The following SAMD3 variants were observed in gnomAD, a reference collection of about 807,000 sequenced individuals.
SAMD3 encodes the protein sterile alpha motif domain containing 3.
SAMD3 carries 63 observed loss-of-function variants against 58.5 expected under a neutral mutation model. The ratio of observed to expected loss-of-function variants is 1.08; its 90% CI spans 0.88 to 1.33. The LOEUF (loss-of-function observed/expected upper bound fraction) is 1.33. SAMD3 is among the 40% of genes most tolerant of loss of function. The pLI is 0.00. For missense variants in SAMD3, 604 were observed against 608.4 expected, an observed-to-expected ratio of 0.99 and a Z score of 0.08; for synonymous variants, 220 against 210.3, an observed-to-expected ratio of 1.05 and a Z score of -0.40.
intron 1 of SAMD3, among the ~76,000 whole-genome samples, chr6:130,321,132 A>G (rs778735380): frequency 2.6e-5 from 4 of 152,212 alleles, no homozygotes; most frequent in Non-Finnish European, 5.9e-5. Context: ...CAATGAAGTG[A>G]TAGGATGCCA....
intron 1 of SAMD3, among the ~76,000 whole-genome samples, chr6:130,360,854 AG>A (rs1471106634): frequency 6.6e-6 from 1 of 152,136 alleles, no homozygotes; most frequent in African/African-American, 2.4e-5. Flanking sequence ...TCTCTTTCTC[AG>A]GGATGTTCAT....
chr6:130,204,318 TCAC>T (rs1172448335), intron 5 of SAMD3, among the ~76,000 whole-genome samples: 2 of 152,112 alleles, frequency 1.3e-5, no homozygotes, highest in Non-Finnish European at 2.9e-5. Flanking sequence ...TCCCAAAAAA[TCAC>T]CAGCACATGA....
At chr6:130,264,299 T>C (rs1373487848) in intron 2 of SAMD3, among the ~76,000 whole-genome samples, 6 of 152,298 alleles carry the variant, frequency 3.9e-5, no homozygotes, top group Non-Finnish European at 8.8e-5. Context: ...CCAGCTTCCA[T>C]CTCCCAACAC....
intron 2 of SAMD3, among the ~76,000 whole-genome samples, chr6:130,307,636 A>T (rs1272976896): frequency 6.6e-6 from 1 of 152,200 alleles, no homozygotes; most frequent in East Asian, 1.9e-4. Flanking sequence ...AATAACTATG[A>T]TCCTCAGTTC....
chr6:130,325,309 AC>A lies in SAMD3; in HGVS notation c.-303-12217del, dbSNP rs145467957. 2.8e-3 allele frequency among the ~76,000 whole-genome samples: 421 copies of A among 152,278 alleles called. 4 individuals carry two copies. Among genetic ancestry groups the A allele is most frequent in the African/African-American group, 9.7e-3 (405 of 41,556 alleles). ...TAAGGAAGCTGTGTGAGGACAAAAG[AC>A]CTGCGAACCTCGTGAGCTGTTCCTG... On this transcript the variant is annotated intron_variant, in intron 1 of 13. Transcript: ENST00000368134.
chr6:130,152,108 C>T (rs1487465888), intron 9 of SAMD3, among the ~76,000 whole-genome samples: 2 of 149,572 alleles, frequency 1.3e-5, no homozygotes, highest in African/African-American at 4.8e-5. Context: ...AGGACCACCG[C>T]CCACCCCGGC....
At chr6:130,359,754 A>G (rs1777932329) in intron 1 of SAMD3, among the ~76,000 whole-genome samples, 1 of 152,228 alleles carries the variant, frequency 6.6e-6, no homozygotes, top group Non-Finnish European at 1.5e-5. Context: ...GAATTAATAA[A>G]AGAACAATCT....
intron 2 of SAMD3, among the ~76,000 whole-genome samples, chr6:130,306,194 A>G (rs1366452793): frequency 6.6e-6 from 1 of 152,226 alleles, no homozygotes; most frequent in Non-Finnish European, 1.5e-5. Context: ...CTTAAAAAAT[A>G]TTTACTTTAT....
chr6:130,251,838 C>T (rs1329654337), intron 2 of SAMD3, among the ~76,000 whole-genome samples: 3 of 152,082 alleles, frequency 2.0e-5, no homozygotes, highest in South Asian at 2.1e-4. Context: ...ATTGTTTTGG[C>T]TATTCTGGGT....
chr6:130,218,361 G>A (rs192349317), intron 1 of SAMD3, among the ~76,000 whole-genome samples: 2 of 152,288 alleles, frequency 1.3e-5, no homozygotes, highest in Admixed American at 6.5e-5. Flanking sequence ...GCAGGCTGTC[G>A]GAGGCTCTCC....
intron 5 of SAMD3, among the ~76,000 whole-genome samples, chr6:130,206,170 C>T (rs559767447): frequency 9.8e-5 from 15 of 152,300 alleles, no homozygotes; most frequent in Admixed American, 3.3e-4. Context: ...AGTGATTGCC[C>T]AGGAGGGGAC....
At chr6:130,348,545 G>A (rs1777536983) in intron 1 of SAMD3, among the ~76,000 whole-genome samples, 1 of 152,052 alleles carries the variant, frequency 6.6e-6, no homozygotes. Flanking sequence ...AAATATATAT[G>A]CACCCAATAC....
intron 1 of SAMD3, among the ~76,000 whole-genome samples, chr6:130,360,330 T>G (rs1777947948): frequency 6.6e-6 from 1 of 152,234 alleles, no homozygotes; most frequent in Non-Finnish European, 1.5e-5. Flanking sequence ...TGTAGGTCCT[T>G]TTCTATTTTC....
intron 2 of SAMD3, among the ~76,000 whole-genome samples, chr6:130,247,254 T>C (rs113168041): frequency 0.019 from 2,946 of 152,146 alleles, 93 homozygotes; most frequent in African/African-American, 0.067. Context: ...CGGATCACCT[T>C]AGGTCAGGAG....
chr6:130,270,179 C>T (rs1240279739), intron 2 of SAMD3, among the ~76,000 whole-genome samples: 1 of 152,124 alleles, frequency 6.6e-6, no homozygotes, highest in Non-Finnish European at 1.5e-5. Context: ...GAAATTTCTG[C>T]CTCCCAGGTT....
chr6:130,305,062 G>A (rs914981841), intron 2 of SAMD3, among the ~76,000 whole-genome samples: 2 of 149,516 alleles, frequency 1.3e-5, no homozygotes, highest in Non-Finnish European at 3.0e-5. Flanking sequence ...AGCCTTTCAA[G>A]TAGCTGGGAC....
At chr6:130,267,198 C>A (rs763382354) in intron 2 of SAMD3, among the ~76,000 whole-genome samples, 2 of 152,040 alleles carry the variant, frequency 1.3e-5, no homozygotes, top group Admixed American at 1.3e-4. Flanking sequence ...CACATGTGCC[C>A]GTGCAAGTGT....
chr6:130,304,741 C>A (rs973431035), intron 2 of SAMD3, among the ~76,000 whole-genome samples: 1 of 151,772 alleles, frequency 6.6e-6, no homozygotes, highest in Non-Finnish European at 1.5e-5. Flanking sequence ...AACTTTAAGT[C>A]GAGATTATAA....
chr6:130,275,571 A>G (rs1031247383), intron 2 of SAMD3, among the ~76,000 whole-genome samples: 1 of 152,130 alleles, frequency 6.6e-6, no homozygotes, highest in African/African-American at 2.4e-5. Flanking sequence ...GTATATAGCA[A>G]TCTATTTATG....
Sources: allele counts gnomAD v4.1 joint callset (sites outside exome capture counted in the v4.1 genomes callset), GRCh38; gene constraint gnomAD v4.1.1; transcripts MANE v1.5; gene names NCBI Gene and HGNC (gene_info 2026-07-23, HGNC 2026-07-21).